Variants in GFOD1 observed in about 807,000 individuals in gnomAD.
GFOD1 encodes the protein glucose-fructose oxidoreductase domain-containing protein 1.
In GFOD1, 9 loss-of-function variants were observed where a neutral mutation model predicts 25.4. That is an observed-to-expected ratio of 0.35 (90% CI 0.21 to 0.62). GFOD1 has a LOEUF of 0.62. Ranked by LOEUF, GFOD1 falls within the 20% of genes least tolerant of loss-of-function variation. GFOD1 has a pLI of 0.72. For synonymous variants in GFOD1, 253 were observed against 245.6 expected (o/e 1.03, Z -0.28); for missense variants, 403 against 556.9 (o/e 0.72, Z 2.78).
chr6:13,402,835 C>G (rs1203976256), intron 1 of GFOD1, among the ~76,000 whole-genome samples: 1 of 152,012 alleles, frequency 6.6e-6, no homozygotes, highest in African/African-American at 2.4e-5. Flanking sequence ...AGGTATATAG[C>G]CAAAAGAAAT....
chr6:13,449,067 A>C (rs1758052416), intron 1 of GFOD1, among the ~76,000 whole-genome samples: 2 of 152,160 alleles, frequency 1.3e-5, no homozygotes, highest in South Asian at 4.1e-4. Context: ...TGGGAGGATC[A>C]CTTGAAACCA....
chr6:13,481,538 G>C (rs1758751084), intron 1 of GFOD1, among the ~76,000 whole-genome samples: 1 of 152,096 alleles, frequency 6.6e-6, no homozygotes, highest in Non-Finnish European at 1.5e-5. Context: ...GGGAGCCACT[G>C]AAAGTGGAGA....
chr6:13,461,476 C>T (rs1174912909), intron 1 of GFOD1, among the ~76,000 whole-genome samples: 2 of 152,162 alleles, frequency 1.3e-5, no homozygotes, highest in Admixed American at 1.3e-4. Flanking sequence ...GCAGACTTGT[C>T]ACCATCACCA....
intron 1 of GFOD1, among the ~76,000 whole-genome samples, chr6:13,425,881 A>C (rs1197980784): frequency 6.6e-6 from 1 of 151,220 alleles, no homozygotes; most frequent in African/African-American, 2.4e-5. Flanking sequence ...GGAAAAAAAA[A>C]AAAAGAAGAA....
chr6:13,420,835 G>A (rs532635076), intron 1 of GFOD1, among the ~76,000 whole-genome samples: 12 of 152,178 alleles, frequency 7.9e-5, no homozygotes, highest in South Asian at 2.1e-4. Flanking sequence ...ACTAAAGCAG[G>A]TTGTGATGTG....
intron 1 of GFOD1, among the ~76,000 whole-genome samples, chr6:13,368,211 A>T (rs776677420): frequency 6.6e-5 from 10 of 152,342 alleles, no homozygotes; most frequent in Admixed American, 2.6e-4. Flanking sequence ...CCACGTGCAC[A>T]TCTAGTTCTG....
chr6:13,437,944 G>A (rs950701557), intron 1 of GFOD1, among the ~76,000 whole-genome samples: 1 of 152,104 alleles, frequency 6.6e-6, no homozygotes, highest in Non-Finnish European at 1.5e-5. Flanking sequence ...GGTAAAGGAG[G>A]AAGGAAGAAA....
intron 1 of GFOD1, among the ~76,000 whole-genome samples, chr6:13,452,422 A>C (rs148061753): frequency 1.3e-5 from 2 of 152,272 alleles, no homozygotes; most frequent in African/African-American, 4.8e-5. Context: ...ATAACAAAAC[A>C]CCATAAACTG....
chr6:13,386,348 A>T (rs191571588), intron 1 of GFOD1, among the ~76,000 whole-genome samples: 2 of 152,036 alleles, frequency 1.3e-5, no homozygotes, highest in African/African-American at 4.8e-5. Context: ...AAACTGATAC[A>T]CCTGTGCACT....
Position 13,449,488 on chromosome 6 carries a change from T to C in GFOD1, c.253+37150A>G, listed in dbSNP as rs373266877. Among the ~76,000 whole-genome samples the C allele has an allele frequency of 4.6e-5, 7 of 152,302 alleles. No homozygotes were observed. The South Asian group carries it at 1.4e-3, about 32-fold the overall frequency. Reference sequence around the variant, plus strand: ...TCAGAAAAAGTTATGTGGTTTCTATTCAAAGCTCATAGAAACTCTAAGTAT... The same window carrying C: ...TCAGAAAAAGTTATGTGGTTTCTATCCAAAGCTCATAGAAACTCTAAGTAT... On this transcript the variant is annotated intron_variant, in intron 1 of 1. Transcript: ENST00000379287.
chr6:13,484,167 G>A (rs1245701956), intron 1 of GFOD1, among the ~76,000 whole-genome samples: 3 of 152,116 alleles, frequency 2.0e-5, no homozygotes, highest in Non-Finnish European at 4.4e-5. Context: ...TACAAAGTAG[G>A]GTCCCTAGCC....
At chr6:13,414,467 G>A (rs1786131015) in intron 1 of GFOD1, among the ~76,000 whole-genome samples, 1 of 152,208 alleles carries the variant, frequency 6.6e-6, no homozygotes, top group South Asian at 2.1e-4. Context: ...GTAGCCCAGG[G>A]TGAATACAGC....
intron 1 of GFOD1, among the ~76,000 whole-genome samples, chr6:13,471,554 A>G (rs750904310): frequency 1.3e-5 from 2 of 152,186 alleles, no homozygotes; most frequent in South Asian, 2.1e-4. Context: ...CCCACAGCAC[A>G]TCTTCTTCTC....
At position 13,360,355 on chromosome 6, in the gene GFOD1, G is replaced by T; in HGVS notation, c.*4388C>A. On this transcript the variant is annotated 3_prime_UTR_variant, in exon 2 of 2. Coordinates refer to ENST00000379287, the MANE Select transcript of GFOD1 (RefSeq NM_018988.4). Reference sequence around the variant, plus strand: ...ATCAGAAACCCAACTTATGATCACAGGCCAAATTCAATAGCTGTGGCTATG... The same window carrying T: ...ATCAGAAACCCAACTTATGATCACATGCCAAATTCAATAGCTGTGGCTATG... 3.6e-6 allele frequency: 1 copy of T among 277,482 alleles called. No individual in the cohort carries two copies. 17.2% of individuals were successfully genotyped at this position (277,482 alleles called of 1,614,324 possible).
intron 1 of GFOD1, among the ~76,000 whole-genome samples, chr6:13,408,733 A>G (rs570012094): frequency 2.6e-5 from 4 of 152,314 alleles, no homozygotes; most frequent in African/African-American, 4.8e-5. Context: ...GTTCACTTCT[A>G]TAGTCGCTTA....
rs778210822 is a variant in GFOD1 at position 13,360,753 on chromosome 6, G to C, written c.*3990C>G. 54 of 456,652 alleles carry C rather than the reference G, an allele frequency of 1.2e-4. 1 individual carries two copies. Among genetic ancestry groups the C allele is most frequent in the African/African-American group, 9.6e-4 (48 of 50,088 alleles). The allele number at this position is 456,652 out of a possible 1,614,324, so 28.3% of individuals were successfully genotyped here. ...CTGAACAGGAGGGTGCTGACAGCAG[G>C]CTGAGTGGAGCCGCAGGTTAGTCCA... On this transcript the variant is annotated 3_prime_UTR_variant, in exon 2 of 2. Coordinates refer to ENST00000379287, the MANE Select transcript of GFOD1 (RefSeq NM_018988.4).
intron 1 of GFOD1, among the ~76,000 whole-genome samples, chr6:13,410,577 G>GGAGAGAGAGAGAGAGAGAGAGAGAGA (rs10530261): frequency 1.6e-5 from 2 of 128,086 alleles, no homozygotes; most frequent in African/African-American, 7.2e-5. Context: ...AAGAAAGAAA[G>GGAGAGAGAGAGAGAGAGAGAGAGAGA]GAGAGAGAGA....
In GFOD1 at chr6:13,361,919, C is replaced by T. The variant is rs1198723954; in HGVS notation, c.*2824G>A. 4 of 152,010 alleles carry T rather than the reference C, an allele frequency of 2.6e-5. No homozygotes were observed. Among genetic ancestry groups the T allele is most frequent in the Non-Finnish European group, 5.9e-5 (4 of 68,008 alleles). The allele number at this position is 152,010 out of a possible 1,614,324, so 9.4% of individuals were successfully genotyped here. A position where few individuals can be genotyped will look rare whatever the true frequency, so the allele number is the denominator to read the frequency against. On this transcript the variant is annotated 3_prime_UTR_variant, in exon 2 of 2. Coordinates refer to ENST00000379287, the MANE Select transcript of GFOD1 (RefSeq NM_018988.4). ...CAGAGCTTAGAGGCCTTTGTGGGGA[C>T]CTCTCTCCAAAACCCGAAGTTTTGG...
rs770158678 is a variant in GFOD1, at chr6:13,486,758, C to G, written c.133G>C (p.Glu45Gln). 1.2e-6 allele frequency: 2 copies of G among 1,614,058 alleles called. No homozygotes were observed. The highest frequency in any genetic ancestry group is 2.7e-5 in the African/African-American group (2 of 74,918). The stretch of plus-strand genomic sequence containing the variant: ...CTAGTGTAGAAGGGGACACTCATCT[C>G]CTTGGCCAGCTCCTCCGCTTCTTCC... ...TQEEAEELAK[E>Q]MSVPFYTSRI... Residue 45 changes from glutamate to glutamine, a missense_variant, in exon 1 of 2, where the codon GAG (glutamate) becomes CAG (glutamine). Coordinates refer to ENST00000379287, the MANE Select transcript of GFOD1 (RefSeq NM_018988.4).
Sources: gnomAD v4.1 joint callset for allele counts (sites outside exome capture counted in the v4.1 genomes callset) on GRCh38, gnomAD v4.1.1 for gene constraint, MANE v1.5 for transcripts, NCBI Gene and HGNC (gene_info 2026-07-23, HGNC 2026-07-21) for gene names.